TAF4B: variants seen among roughly 807,000 people sequenced by gnomAD.
The protein encoded by TAF4B is transcription initiation factor TFIID subunit 4B.
In TAF4B, 38 loss-of-function variants were observed where a neutral mutation model predicts 86.4. The observed-to-expected ratio is 0.44, with a 90% CI of 0.34 to 0.58. TAF4B has a LOEUF of 0.58. TAF4B is among the 20% of genes least tolerant of loss of function. The pLI, the probability that TAF4B is intolerant of heterozygous loss-of-function variation, is 0.02. For synonymous variants in TAF4B, 388 were observed against 391.2 expected (o/e 0.99, Z 0.10); for missense variants, 988 against 1,027.6 (o/e 0.96, Z 0.53).
At chr18:26,379,001 T>A (rs987653694) in intron 14 of TAF4B, among the ~76,000 whole-genome samples, 1 of 152,184 alleles carries the variant, frequency 6.6e-6, no homozygotes, top group African/African-American at 2.4e-5. Flanking sequence ...CATATAAAGC[T>A]ACATTCTTGT....
chr18:26,321,104 T>G lies in TAF4B; in HGVS notation c.2037T>G (p.Asp679Glu). 6.2e-7 allele frequency: 1 copy of G among 1,613,928 alleles called. No individual in the cohort carries two copies. Among genetic ancestry groups the G allele is most frequent in the African/African-American group, 1.3e-5 (1 of 75,052 alleles). The change falls in exon 11 of 15, where the codon GAT (aspartate) becomes GAG (glutamate). Residue 679 changes from aspartate to glutamate, a missense_variant. By Grantham distance (45) the Asp-to-Glu change is conservative (BLOSUM62 2). Coordinates refer to ENST00000269142, the MANE Select transcript of TAF4B (RefSeq NM_005640.3). ...KKHDITELNSDAVNLISQATQ... is the reference protein window; with the variant it reads ...KKHDITELNSEAVNLISQATQ... Reference sequence around the variant, plus strand: ...ATGACATTACAGAACTTAACTCTGATGCTGTGAACTTGATCTCCCAAGCAA... The same window carrying G: ...ATGACATTACAGAACTTAACTCTGAGGCTGTGAACTTGATCTCCCAAGCAA...
intron 6 of TAF4B, among the ~76,000 whole-genome samples, chr18:26,283,979 A>C (rs751067758): frequency 2.0e-5 from 3 of 151,918 alleles, no homozygotes; most frequent in Non-Finnish European, 2.9e-5. Flanking sequence ...GCTTGAATCC[A>C]GGAGGCAGAG....
At chr18:26,368,470 C>T (rs553683900) in intron 14 of TAF4B, among the ~76,000 whole-genome samples, 8 of 152,246 alleles carry the variant, frequency 5.3e-5, no homozygotes, top group Admixed American at 2.0e-4. Flanking sequence ...ACATGAAAGG[C>T]CCAGATTTAA....
intron 1 of TAF4B, among the ~76,000 whole-genome samples, chr18:26,258,827 G>A (rs1013376325): frequency 6.6e-6 from 1 of 151,824 alleles, no homozygotes; most frequent in African/African-American, 2.4e-5. Flanking sequence ...CAGTAGCTGG[G>A]ATTACAGGTG....
At position 26,303,702 on chromosome 18, in the gene TAF4B, A is replaced by G. The variant is rs1203226419; in HGVS notation, c.1832+10171A>G. Among the ~76,000 whole-genome samples the G allele has an allele frequency of 5.0e-5, 6 of 119,666 alleles. No homozygotes were observed. In the Admixed American group the frequency reaches 6.9e-4, roughly 14 times the overall value. The allele number at this position is 119,666 out of a possible 152,430, so 78.5% of individuals were successfully genotyped here. A position where few individuals can be genotyped will look rare whatever the true frequency, so the allele number is the denominator to read the frequency against. The stretch of plus-strand genomic sequence containing the variant: ...CCACTTTCATACTCCCTCCACTTTC[A>G]TACTCCTTGGCTCTACTTGGGCTTT... On this transcript the variant is annotated intron_variant, in intron 9 of 14. Transcript: ENST00000269142.
At chr18:26,237,325 C>G (rs2055764042) in intron 1 of TAF4B, among the ~76,000 whole-genome samples, 1 of 152,154 alleles carries the variant, frequency 6.6e-6, no homozygotes, top group Admixed American at 6.5e-5. Flanking sequence ...AAGGTTTGCC[C>G]TAGACCCTGT....
At chr18:26,274,525 A>C in intron 3 of TAF4B, 138 bp from the exon 4 acceptor site, 1 of 876,864 alleles carries the variant, frequency 1.1e-6, no homozygotes, top group Non-Finnish European at 1.7e-6. Flanking sequence ...CTAGAACTGT[A>C]TTATATTGCC....
chr18:26,234,114 G>A (rs1032148770), intron 1 of TAF4B, among the ~76,000 whole-genome samples: 10 of 146,930 alleles, frequency 6.8e-5, no homozygotes, highest in African/African-American at 2.4e-4. Flanking sequence ...ATATGCCCCC[G>A]TGAAAGTCCC....
intron 13 of TAF4B, among the ~76,000 whole-genome samples, chr18:26,338,333 C>T (rs1244380092): frequency 6.6e-6 from 1 of 151,906 alleles, no homozygotes; most frequent in African/African-American, 2.4e-5. Flanking sequence ...CCTGTAATCC[C>T]AGTTACTCAG....
intron 6 of TAF4B, among the ~76,000 whole-genome samples, chr18:26,282,841 T>C (rs1262719011): frequency 6.6e-6 from 1 of 152,242 alleles, no homozygotes; most frequent in Non-Finnish European, 1.5e-5. Context: ...AATTCTTTGT[T>C]ACCATCCTAA....
intron 6 of TAF4B, among the ~76,000 whole-genome samples, chr18:26,284,694 A>G (rs2056489141): frequency 6.6e-6 from 1 of 152,116 alleles, no homozygotes; most frequent in Admixed American, 6.5e-5. Context: ...CCTGGCCAAC[A>G]TGGCTGTCTC....
At chr18:26,296,444 T>TC (rs1315279659) in intron 9 of TAF4B, among the ~76,000 whole-genome samples, 1 of 143,824 alleles carries the variant, frequency 7.0e-6, no homozygotes, top group African/African-American at 2.5e-5. Context: ...CAGTTTTTTT[T>TC]CCATCTCTTT....
At chr18:26,227,593 C>T (rs2055597980) in intron 1 of TAF4B, among the ~76,000 whole-genome samples, 1 of 152,096 alleles carries the variant, frequency 6.6e-6, no homozygotes, top group African/African-American at 2.4e-5. Context: ...CGGTTTATAC[C>T]GTGGATTTCC....
chr18:26,318,356 CT>C (rs367762394), intron 10 of TAF4B, among the ~76,000 whole-genome samples: 1,797 of 144,008 alleles, frequency 0.012, 24 homozygotes, highest in African/African-American at 0.035. Context: ...ATTAGCTAAG[CT>C]TTTTTTTTTT....
intron 6 of TAF4B, among the ~76,000 whole-genome samples, chr18:26,283,018 A>G (rs1349599100): frequency 2.0e-5 from 3 of 152,200 alleles, no homozygotes; most frequent in African/African-American, 7.2e-5. Context: ...TGCTATTTCT[A>G]GCATATCTGC....
chr18:26,279,389 T>C (rs1328758707), intron 5 of TAF4B, among the ~76,000 whole-genome samples: 1 of 152,046 alleles, frequency 6.6e-6, no homozygotes, highest in East Asian at 1.9e-4. Context: ...CTGAAAGAAT[T>C]GATATCATTA....
intron 13 of TAF4B, among the ~76,000 whole-genome samples, chr18:26,347,968 G>T (rs914758323): frequency 4.6e-5 from 7 of 152,286 alleles, no homozygotes; most frequent in African/African-American, 1.7e-4. Context: ...TACAGTAATA[G>T]TTGGAGACTT....
chr18:26,356,200 G>C (rs1158271185), intron 13 of TAF4B, among the ~76,000 whole-genome samples: 2 of 152,002 alleles, frequency 1.3e-5, no homozygotes, highest in South Asian at 4.1e-4. Context: ...AGGGGCGAGG[G>C]GTTTCTCTTA....
At chr18:26,231,302 C>CA (rs1257943811) in intron 1 of TAF4B, among the ~76,000 whole-genome samples, 1 of 148,648 alleles carries the variant, frequency 6.7e-6, no homozygotes, top group African/African-American at 2.5e-5. Flanking sequence ...CTTGGCCTCC[C>CA]AAAATGCTGG....
Sources: gnomAD v4.1 joint callset for allele counts (sites outside exome capture counted in the v4.1 genomes callset) on GRCh38, gnomAD v4.1.1 for gene constraint, MANE v1.5 for transcripts, NCBI Gene and HGNC (gene_info 2026-07-23, HGNC 2026-07-21) for gene names.